Variants in PLPP4 observed in about 807,000 individuals in gnomAD.
PLPP4 encodes the protein phospholipid phosphatase 4, also known as diacylglycerol pyrophosphate like 2.
Under a neutral mutation model 32.2 loss-of-function variants are expected in PLPP4, and 20 were observed. The observed-to-expected ratio is 0.62, with a 90% confidence interval of 0.44 to 0.90. The LOEUF (loss-of-function observed/expected upper bound fraction) is 0.90, where lower values mean the gene tolerates loss of function less well. PLPP4 is among the 40% of genes least tolerant of loss of function. PLPP4 has a pLI of 0.00. For missense variants in PLPP4, 257 were observed against 353.1 expected (o/e 0.73, Z 2.18); for synonymous variants, 127 against 133.0 (o/e 0.95, Z 0.31).
intron 5 of PLPP4, among the ~76,000 whole-genome samples, chr10:120,551,533 T>C (rs539590175): frequency 6.6e-6 from 1 of 152,308 alleles, no homozygotes; most frequent in South Asian, 2.1e-4. Flanking sequence ...CTAACAAATA[T>C]TGCAACATGG....
chr10:120,575,057 G>T, intron 5 of PLPP4, 74 bp from the exon 6 acceptor site: 5 of 1,502,210 alleles, frequency 3.3e-6, no homozygotes, highest in Non-Finnish European at 4.5e-6. Flanking sequence ...GACGGCAGAC[G>T]GAATGCCCAG....
chr10:120,564,752 ACAAT>A (rs1302015956), intron 5 of PLPP4, among the ~76,000 whole-genome samples: 1 of 151,960 alleles, frequency 6.6e-6, no homozygotes, highest in African/African-American at 2.4e-5. Context: ...TACCATAAAG[ACAAT>A]CAAACATTAA....
At chr10:120,587,541 T>G (rs1226065640) in intron 6 of PLPP4, 2 of 152,246 alleles carry the variant, frequency 1.3e-5, no homozygotes, top group East Asian at 3.8e-4. Flanking sequence ...TATAGAACTT[T>G]TCATGTTTAA....
At chr10:120,495,521 G>A (rs1000911977) in intron 1 of PLPP4, among the ~76,000 whole-genome samples, 3 of 152,118 alleles carry the variant, frequency 2.0e-5, no homozygotes, top group Admixed American at 6.5e-5. Flanking sequence ...CCCATTGCCC[G>A]AGAGAGAGGC....
At chr10:120,460,864 G>C (rs765062809) in intron 1 of PLPP4, among the ~76,000 whole-genome samples, 2 of 152,224 alleles carry the variant, frequency 1.3e-5, no homozygotes, top group Non-Finnish European at 2.9e-5. Context: ...CCAAGGTTTA[G>C]AAAGGTTGAG....
intron 3 of PLPP4, among the ~76,000 whole-genome samples, chr10:120,515,708 T>A (rs1454133817): frequency 6.6e-6 from 1 of 152,230 alleles, no homozygotes; most frequent in African/African-American, 2.4e-5. Context: ...CACACATGGC[T>A]TGAGTGGCCG....
chr10:120,507,344 TTCATCATCATCATCATTATCA>T (rs1470328540), intron 2 of PLPP4, among the ~76,000 whole-genome samples: 1 of 94,168 alleles, frequency 1.1e-5, no homozygotes, highest in Admixed American at 1.1e-4. Context: ...AGGGAAGTTC[TTCATCATCATCATCATTATCA>T]TCATCATCAT....
rs74459100 is a variant in PLPP4 at position 120,504,735 on chromosome 10, A to G, written c.165+809A>G. On this transcript the variant is annotated intron_variant, in intron 2 of 6. Transcript: ENST00000398250. The stretch of plus-strand genomic sequence containing the variant: ...TGCTGAGTTACAGTAAAGGAAGACT[A>G]GAAGCCAGTGATGAGAATTTTCTGT... Among the ~76,000 whole-genome samples, 763 of 152,364 alleles carry G rather than the reference A, an allele frequency of 5.0e-3. 15 individuals carry two copies. In the South Asian group the frequency reaches 0.055, roughly 11 times the overall value.
At chr10:120,573,994 C>A (rs926765511) in intron 5 of PLPP4, among the ~76,000 whole-genome samples, 5 of 151,990 alleles carry the variant, frequency 3.3e-5, no homozygotes, top group African/African-American at 1.2e-4. Flanking sequence ...GGAGCTCCAT[C>A]CCCTCAGAAG....
intron 1 of PLPP4, among the ~76,000 whole-genome samples, chr10:120,469,312 C>T (rs1216511187): frequency 6.7e-6 from 1 of 149,180 alleles, no homozygotes; most frequent in African/African-American, 2.5e-5. Context: ...ACTGCAAGCT[C>T]CACCTCCCAG....
At chr10:120,544,154 A>G (rs1356839485) in intron 5 of PLPP4, among the ~76,000 whole-genome samples, 2 of 152,186 alleles carry the variant, frequency 1.3e-5, no homozygotes, top group Admixed American at 6.5e-5. Context: ...GCTGGATCAT[A>G]TGGTAATTCT....
chr10:120,471,760 A>G (rs1848526392), intron 1 of PLPP4, among the ~76,000 whole-genome samples: 1 of 152,058 alleles, frequency 6.6e-6, no homozygotes, highest in Non-Finnish European at 1.5e-5. Context: ...AATATGGTTG[A>G]ATTTAAATCT....
intron 1 of PLPP4, among the ~76,000 whole-genome samples, chr10:120,497,839 G>T (rs1242984825): frequency 6.6e-6 from 1 of 152,080 alleles, no homozygotes; most frequent in African/African-American, 2.4e-5. Context: ...AGGGGATCGA[G>T]ACCATCCTGG....
In PLPP4 at chr10:120,589,286, T is replaced by C. The variant is rs1849908118; in HGVS notation, c.617-17T>C. 6.2e-7 allele frequency: 1 copy of C among 1,613,232 alleles called. No individual in the cohort carries two copies. The highest frequency in any genetic ancestry group is 2.2e-5 in the East Asian group (1 of 44,876). ...AAATGGTAACCCATTTTTCCTGCTCTGCTGTTTCCTGCCTAGATTCCTTTG... is the reference window on the plus strand; with the variant it reads ...AAATGGTAACCCATTTTTCCTGCTCCGCTGTTTCCTGCCTAGATTCCTTTG... On this transcript the variant is annotated splice_polypyrimidine_tract_variant and intron_variant, in intron 6 of 6. Coordinates refer to ENST00000398250, the MANE Select transcript of PLPP4 (RefSeq NM_001030059.3).
chr10:120,582,860 G>A (rs533903907), intron 6 of PLPP4, among the ~76,000 whole-genome samples: 106 of 143,936 alleles, frequency 7.4e-4, no homozygotes, highest in African/African-American at 2.7e-3. Context: ...TGTACCCGGC[G>A]TGTTCTCCAC....
At chr10:120,457,164 C>G (rs955658890), upstream of PLPP4, 16 of 416,954 alleles carry the variant, frequency 3.8e-5, no homozygotes, top group African/African-American at 1.9e-4. Context: ...CGCCTGCCCC[C>G]GCCCGGCGCC....
At chr10:120,563,806 CAAAAAAAAAAAAAAAAAA>C (rs139746974) in intron 5 of PLPP4, among the ~76,000 whole-genome samples, 1 of 86,484 alleles carries the variant, frequency 1.2e-5, no homozygotes, top group African/African-American at 5.0e-5. Context: ...GACTCCGTCT[CAAAAAAAAAAAAAAAAAA>C]AAAAAAAAAA....
At chr10:120,570,051 C>T (rs187893072) in intron 5 of PLPP4, among the ~76,000 whole-genome samples, 2 of 152,312 alleles carry the variant, frequency 1.3e-5, no homozygotes, top group East Asian at 3.9e-4. Context: ...CATAGAATGG[C>T]CTAATGACTA....
intron 6 of PLPP4, among the ~76,000 whole-genome samples, chr10:120,585,735 G>A (rs1419227894): frequency 6.6e-6 from 1 of 152,196 alleles, no homozygotes; most frequent in African/African-American, 2.4e-5. Context: ...TGGATCGGGG[G>A]TGAGGATAAG....
Sources: allele counts gnomAD v4.1 joint callset (sites outside exome capture counted in the v4.1 genomes callset), GRCh38; gene constraint gnomAD v4.1.1; transcripts MANE v1.5; gene names NCBI Gene and HGNC (gene_info 2026-07-23, HGNC 2026-07-21).